Variants in LINC00632 observed in about 807,000 individuals in gnomAD.
LINC00632 encodes ALDOA related specific transcript.
intron 3 of LINC00632, among the ~76,000 whole-genome samples, chrX:140,742,313 T>C (rs957285328): frequency 2.7e-5 from 3 of 111,706 alleles, no homozygotes; most frequent in Non-Finnish European, 5.6e-5. Context: ...TTTTTTAATA[T>C]GTAGGGCTCT....
intron 3 of LINC00632, among the ~76,000 whole-genome samples, chrX:140,736,319 C>T (rs1931141919): frequency 9.1e-6 from 1 of 109,605 alleles, no homozygotes; most frequent in African/African-American, 3.3e-5. Flanking sequence ...GTTTTTAGAA[C>T]ATTGGAGTTG....
intron 3 of LINC00632, among the ~76,000 whole-genome samples, chrX:140,755,407 GT>G (rs1931477350): frequency 8.9e-6 from 1 of 112,237 alleles, no homozygotes; most frequent in Non-Finnish European, 1.9e-5. Flanking sequence ...TGTTTGAGTT[GT>G]TTTGGAGTGG....
chrX:140,772,654 C>A, exon 4 of LINC00632: 1 of 189,030 alleles, frequency 5.3e-6, no homozygotes, highest in Non-Finnish European at 9.7e-6. Context: ...ACCTACACAT[C>A]ATACAATAAA....
At chrX:140,743,470 G>C (rs1931275192) in intron 3 of LINC00632, among the ~76,000 whole-genome samples, 1 of 109,660 alleles carries the variant, frequency 9.1e-6, no homozygotes, top group African/African-American at 3.3e-5. Context: ...TAATTGCACA[G>C]TAGTGAGACA....
Position 140,715,474 on chromosome X carries a change from AG to A in LINC00632, n.104+3819del, listed in dbSNP as rs749515075. On this transcript the variant is annotated intron_variant and non_coding_transcript_variant, in intron 2 of 4. Transcript: ENST00000648200. ...GCCGGGCATGGTGGCACATGCTTGT[AG>A]TCCCAGCTACTCGGGAGGCTGAGGC... 1.7e-4 allele frequency among the ~76,000 whole-genome samples: 19 copies of A among 110,595 alleles called. No individual in the cohort carries two copies. The East Asian group carries it at 3.5e-3, about 20-fold the overall frequency.
At chrX:140,755,352 A>C (rs1456524532) in intron 3 of LINC00632, among the ~76,000 whole-genome samples, 2 of 112,273 alleles carry the variant, frequency 1.8e-5, no homozygotes, top group Non-Finnish European at 1.9e-5. Context: ...TTTTTGATCA[A>C]ATACTACTTC....
At chrX:140,790,327 T>C (rs1932089187) in exon 5 of LINC00632, among the ~76,000 whole-genome samples, 1 of 111,600 alleles carries the variant, frequency 9.0e-6, no homozygotes, top group South Asian at 3.7e-4. Context: ...ACTTATTCAA[T>C]TGAATTATTT....
intron 2 of LINC00632, among the ~76,000 whole-genome samples, chrX:140,723,347 C>T (rs942363331): frequency 0.013 from 13 of 976 alleles, no homozygotes; most frequent in Non-Finnish European, 0.022. Flanking sequence ...GACACATATT[C>T]GATACATTCC....
chrX:140,728,653 A>T (rs185619364), intron 2 of LINC00632, among the ~76,000 whole-genome samples: 3 of 111,969 alleles, frequency 2.7e-5, no homozygotes, highest in Non-Finnish European at 5.6e-5. Context: ...TTCTAATGAA[A>T]GGTGTGTCCT....
At chrX:140,775,751 G>GA (rs375734659) in exon 5 of LINC00632, among the ~76,000 whole-genome samples, 3,916 of 108,024 alleles carry the variant, frequency 0.036, 179 homozygotes, top group African/African-American at 0.12. Context: ...GTACAGTAAT[G>GA]AAAAAAAAAT....
At chrX:140,723,587 T>C in intron 2 of LINC00632, among the ~76,000 whole-genome samples, 1 of 2,015 alleles carries the variant, frequency 5.0e-4, no homozygotes. Context: ...CACACACACA[T>C]TCCATACACA....
intron 3 of LINC00632, among the ~76,000 whole-genome samples, chrX:140,764,910 T>C (rs186919009): frequency 2.5e-4 from 28 of 110,429 alleles, no homozygotes; most frequent in African/African-American, 9.2e-4. Flanking sequence ...AGCTGGAAAA[T>C]CGCCCTCACT....
chrX:140,723,909 TG>T (rs200809103), intron 2 of LINC00632, among the ~76,000 whole-genome samples: 4,725 of 21,964 alleles, frequency 0.22, 99 homozygotes, highest in Middle Eastern at 0.42. Flanking sequence ...ACACACACAT[TG>T]CATACACATA....
chrX:140,772,465 G>A (rs181728517), exon 4 of LINC00632: 330 of 292,026 alleles, frequency 1.1e-3, no homozygotes, highest in Non-Finnish European at 1.8e-3. Flanking sequence ...TTGTAAATAT[G>A]CGTGAGTTAG....
intron 3 of LINC00632, among the ~76,000 whole-genome samples, chrX:140,754,730 A>C (rs1931465320): frequency 9.1e-6 from 1 of 109,626 alleles, no homozygotes; most frequent in Admixed American, 9.8e-5. Flanking sequence ...TTGGACTCCT[A>C]ATATATTGAA....
rs774248372 is a variant in LINC00632, at chrX:140,773,097, C to T, written n.1211C>T. Among the ~76,000 whole-genome samples, 3 of 111,381 alleles carry T rather than the reference C, an allele frequency of 2.7e-5. No homozygotes were observed. In the East Asian group the frequency reaches 8.5e-4, roughly 31 times the overall value. On this transcript the variant is annotated non_coding_transcript_exon_variant, in exon 4 of 5. Transcript: ENST00000648200. ...AGGAGAATCGCTTGAACCTAGGAGG[C>T]AGAGGTTGCAGTGAGCTGAGATCGT...
intron 2 of LINC00632, among the ~76,000 whole-genome samples, chrX:140,720,456 G>A (rs764079765): frequency 9.0e-6 from 1 of 110,950 alleles, no homozygotes; most frequent in Non-Finnish European, 1.9e-5. Flanking sequence ...ACAGTATATG[G>A]ACATAACCCT....
intron 3 of LINC00632, among the ~76,000 whole-genome samples, chrX:140,740,642 A>G (rs1931210804): frequency 9.1e-6 from 1 of 110,325 alleles, no homozygotes; most frequent in Non-Finnish European, 1.9e-5. Flanking sequence ...GTATTTCTTG[A>G]GGGTTTAGAA....
chrX:140,724,884 C>G, intron 2 of LINC00632, among the ~76,000 whole-genome samples: 1 of 85,365 alleles, frequency 1.2e-5, no homozygotes, highest in Non-Finnish European at 2.4e-5. Context: ...CATACACACA[C>G]ATTCCATACA....
Sources: allele counts gnomAD v4.1 joint callset (sites outside exome capture counted in the v4.1 genomes callset), GRCh38; gene constraint gnomAD v4.1.1; transcripts MANE v1.5; gene names NCBI Gene and HGNC (gene_info 2026-07-23, HGNC 2026-07-21).